Variants in FAM20A observed in about 807,000 individuals in gnomAD.
The protein encoded by FAM20A is pseudokinase FAM20A.
A neutral mutation model predicts 52.0 loss-of-function variants in FAM20A; 42 were observed. The observed-to-expected ratio is 0.81, with a 90% CI of 0.63 to 1.04. FAM20A has a LOEUF of 1.04. Ranked by LOEUF, FAM20A falls within the 50% of genes least tolerant of loss-of-function variation. The pLI is 0.00. For missense variants in FAM20A, 742 were observed against 712.7 expected (o/e 1.04, Z -0.47); for synonymous variants, 304 against 298.9 (o/e 1.02, Z -0.18).
intron 1 of FAM20A, among the ~76,000 whole-genome samples, chr17:68,568,228 G>C (rs1160139864): frequency 6.6e-6 from 1 of 151,902 alleles, no homozygotes; most frequent in Non-Finnish European, 1.5e-5. Flanking sequence ...CCAGTACTTT[G>C]GGAGGCCGAG....
chr17:68,594,009 C>G (rs1233416724), intron 1 of FAM20A, among the ~76,000 whole-genome samples: 1 of 152,236 alleles, frequency 6.6e-6, no homozygotes, highest in Non-Finnish European at 1.5e-5. Context: ...AGCATGGATT[C>G]TGAAGCCAGA....
chr17:68,541,883 G>A, intron 7 of FAM20A, 102 bp downstream of exon 7: 1 of 1,384,076 alleles, frequency 7.2e-7, no homozygotes, highest in Non-Finnish European at 9.9e-7. Flanking sequence ...GGAGTATTGA[G>A]GCAGCTTTTC....
At chr17:68,574,238 T>G (rs2087661720) in intron 1 of FAM20A, among the ~76,000 whole-genome samples, 1 of 152,060 alleles carries the variant, frequency 6.6e-6, no homozygotes, top group South Asian at 2.1e-4. Flanking sequence ...CTAATTTTGT[T>G]TATTTTTATA....
intron 1 of FAM20A, among the ~76,000 whole-genome samples, chr17:68,576,320 A>G (rs1168257172): frequency 6.6e-6 from 1 of 152,208 alleles, no homozygotes; most frequent in Admixed American, 6.5e-5. Context: ...AGACAGGTCC[A>G]TTGTTAGCCC....
chr17:68,543,690 A>C lies in FAM20A; in HGVS notation c.751T>G (p.Phe251Val). The C allele has an allele frequency of 1.2e-6, 2 of 1,614,170 alleles. No individual in the cohort carries two copies. Among genetic ancestry groups the C allele is most frequent in the East Asian group, 2.2e-5 (1 of 44,876 alleles). ...CTCTGAAAGTCAATGAAGTAGAAGA[A>C]GTCCACTGGTGTCTCCTCATCTCGC... ...QQRDEETPVD[F>V]FYFIDFQRHN... is the part of the protein sequence containing the mutation. Residue 251 changes from phenylalanine (F) to valine (V), a missense_variant, in exon 5 of 11, where the codon TTC becomes GTC. By Grantham distance (50) the Phe-to-Val change is conservative. Transcript: ENST00000592554.
chr17:68,601,082 C>T lies in FAM20A; in HGVS notation c.-416G>A, dbSNP rs946481715. 3 of 151,538 alleles carry T rather than the reference C, an allele frequency of 2.0e-5. No homozygotes were observed. Among genetic ancestry groups the T allele is most frequent in the Non-Finnish European group, 2.9e-5 (2 of 67,870 alleles). 9.4% of individuals were successfully genotyped at this position (151,538 alleles called of 1,614,324 possible). On this transcript the variant is annotated 5_prime_UTR_variant, in exon 1 of 11. Transcript: ENST00000592554. ...GACCGCGGAGGGCGGACGGAGGCCG[C>T]CGGCTGCAAAGCCCGGGGCGTCTCT...
rs368241965 is a variant in FAM20A at position 68,567,123 on chromosome 17, G to A, written c.405-11380C>T. On this transcript the variant is annotated intron_variant, in intron 1 of 10. Transcript: ENST00000592554. ...TTTTCTTCCAGCTCTCTCAGCAGTA[G>A]ACTCATAAATTCCACTGCTCATATC... Among the ~76,000 whole-genome samples, 20 of 151,896 alleles carry A rather than the reference G, an allele frequency of 1.3e-4. No homozygotes were observed. The South Asian group carries it at 2.7e-3, about 20-fold the overall frequency.
intron 1 of FAM20A, among the ~76,000 whole-genome samples, chr17:68,593,031 A>G (rs1428607813): frequency 6.6e-6 from 1 of 152,172 alleles, no homozygotes; most frequent in Non-Finnish European, 1.5e-5. Flanking sequence ...TCACATTTCA[A>G]CTATAGGATG....
At chr17:68,573,730 G>A (rs1343217288) in intron 1 of FAM20A, among the ~76,000 whole-genome samples, 1 of 150,576 alleles carries the variant, frequency 6.6e-6, no homozygotes, top group East Asian at 1.9e-4. Flanking sequence ...CCAAGCTGGA[G>A]TGCAGTGGTG....
At chr17:68,574,043 C>A (rs1210093833) in intron 1 of FAM20A, among the ~76,000 whole-genome samples, 1 of 151,904 alleles carries the variant, frequency 6.6e-6, no homozygotes, top group Non-Finnish European at 1.5e-5. Flanking sequence ...TGATGAGACC[C>A]TTCTTGGTGG....
At chr17:68,551,349 C>G (rs2086824759) in intron 4 of FAM20A, 1 of 384,766 alleles carries the variant, frequency 2.6e-6, no homozygotes, top group Admixed American at 4.5e-5. Context: ...TCTTGATTGT[C>G]TAGTTTTTCA....
intron 4 of FAM20A, among the ~76,000 whole-genome samples, chr17:68,549,660 C>T (rs1294341471): frequency 6.6e-6 from 1 of 152,108 alleles, no homozygotes; most frequent in Non-Finnish European, 1.5e-5. Flanking sequence ...CTTAGGTTGC[C>T]TCTCTCTAAC....
chr17:68,550,899 C>T (rs561527598), intron 4 of FAM20A, among the ~76,000 whole-genome samples: 3 of 152,332 alleles, frequency 2.0e-5, no homozygotes, highest in Non-Finnish European at 2.9e-5. Flanking sequence ...ACTCTTTATT[C>T]GGTGCTTATT....
At chr17:68,595,235 C>G (rs1260865604) in intron 1 of FAM20A, among the ~76,000 whole-genome samples, 1 of 152,240 alleles carries the variant, frequency 6.6e-6, no homozygotes, top group East Asian at 1.9e-4. Context: ...TGGTTCTCAG[C>G]TGAAGGGCTT....
chr17:68,579,112 TG>T (rs751283345), intron 1 of FAM20A, among the ~76,000 whole-genome samples: 11 of 151,918 alleles, frequency 7.2e-5, no homozygotes, highest in Non-Finnish European at 1.6e-4. Flanking sequence ...CACAGAATTT[TG>T]GGGAAGCATG....
In FAM20A at chr17:68,600,227, G is replaced by T. The variant is rs2088575364; in HGVS notation, c.404+36C>A. ...GGGGCGCGGGGAGGCCCCGGCCAGA[G>T]CGCCCGCTCTCCCGCGTCCCGGGCG... On this transcript the variant is annotated intron_variant, in intron 1 of 10. Coordinates refer to ENST00000592554, the MANE Select transcript of FAM20A (RefSeq NM_017565.4). This position sits in a 1 kb window ranked among gnomAD's most constrained non-coding sequence, Gnocchi z 6.2. 3 of 1,546,946 alleles carry T rather than the reference G, an allele frequency of 1.9e-6. No individual in the cohort carries two copies. Among genetic ancestry groups the T allele is most frequent in the Non-Finnish European group, 2.6e-6 (3 of 1,145,912 alleles).
rs556230369 is a variant in FAM20A at position 68,551,835 on chromosome 17, C to T, written c.719+38G>A. 2.5e-5 allele frequency: 37 copies of T among 1,475,606 alleles called. No individual in the cohort carries two copies. The South Asian group carries it at 3.3e-4, about 13-fold the overall frequency. The allele number at this position is 1,475,606 out of a possible 1,614,324, so 91.4% of individuals were successfully genotyped here. On this transcript the variant is annotated intron_variant, in intron 4 of 10. Transcript: ENST00000592554. ...TTGGTCCAAATCTTCCCAGGGCCAC[C>T]CCAACTGGGTGTGGAAAGGAGGAAG...
intron 1 of FAM20A, among the ~76,000 whole-genome samples, chr17:68,597,851 G>A (rs2088497098): frequency 6.6e-6 from 1 of 152,058 alleles, no homozygotes; most frequent in Non-Finnish European, 1.5e-5. Context: ...CCTCGACCCT[G>A]CACATAATGG....
intron 4 of FAM20A, among the ~76,000 whole-genome samples, chr17:68,544,561 C>T (rs1280286954): frequency 2.6e-5 from 4 of 152,154 alleles, no homozygotes; most frequent in African/African-American, 4.8e-5. Flanking sequence ...TGTAAATAAA[C>T]GTGATGTTGC....
Sources: allele counts gnomAD v4.1 joint callset (sites outside exome capture counted in the v4.1 genomes callset), GRCh38; gene constraint gnomAD v4.1.1; non-coding constraint Gnocchi (gnomAD v3.1); transcripts MANE v1.5; gene names NCBI Gene and HGNC (gene_info 2026-07-23, HGNC 2026-07-21).